The following RIN2 variants were observed in gnomAD, a reference collection of about 807,000 sequenced individuals.
The protein encoded by RIN2 is RAB5 interacting protein 2.
Under a neutral mutation model 78.0 loss-of-function variants are expected in RIN2, and 36 were observed. The observed-to-expected ratio is 0.46, with a 90% CI of 0.35 to 0.61. The LOEUF (loss-of-function observed/expected upper bound fraction) is 0.61, where lower values mean the gene tolerates loss of function less well. Ranked by LOEUF, RIN2 falls within the 20% of genes least tolerant of loss-of-function variation. The pLI is 0.00. For missense variants in RIN2, 1,087 were observed against 1,159.7 expected, an observed-to-expected ratio of 0.94 and a Z score of 0.91; for synonymous variants, 466 against 466.8, an observed-to-expected ratio of 1.00 and a Z score of 0.02.
At chr20:19,922,828 C>T (rs116770831) in intron 3 of RIN2, among the ~76,000 whole-genome samples, 1 of 152,142 alleles carries the variant, frequency 6.6e-6, no homozygotes, top group Non-Finnish European at 1.5e-5. Context: ...GGACCCCACC[C>T]CATACTGCAG....
At chr20:19,780,403 A>G (rs1019506130) in intron 1 of RIN2, among the ~76,000 whole-genome samples, 6 of 152,158 alleles carry the variant, frequency 3.9e-5, no homozygotes, top group African/African-American at 1.4e-4. Context: ...CTCAGATGTC[A>G]CATGCCCTGC....
At chr20:19,995,372 A>T (rs533715912) in intron 11 of RIN2, among the ~76,000 whole-genome samples, 1 of 152,072 alleles carries the variant, frequency 6.6e-6, no homozygotes, top group East Asian at 1.9e-4. Flanking sequence ...CACAGTAGAG[A>T]TTCAATGAGT....
intron 3 of RIN2, among the ~76,000 whole-genome samples, chr20:19,917,470 T>C (rs2039733147): frequency 6.6e-6 from 1 of 152,224 alleles, no homozygotes; most frequent in Non-Finnish European, 1.5e-5. Context: ...ATTTTTACTG[T>C]GAAATTTAAA....
chr20:19,914,220 T>C (rs1379965500), intron 3 of RIN2, among the ~76,000 whole-genome samples: 1 of 152,214 alleles, frequency 6.6e-6, no homozygotes, highest in Non-Finnish European at 1.5e-5. Flanking sequence ...TTATTGTCTG[T>C]CTCATTTTTT....
At chr20:19,929,872 C>T (rs2040372095) in intron 3 of RIN2, among the ~76,000 whole-genome samples, 1 of 152,194 alleles carries the variant, frequency 6.6e-6, no homozygotes, top group Non-Finnish European at 1.5e-5. Flanking sequence ...CACCCAAAAT[C>T]CCTTCAGTGG....
At chr20:19,987,647 A>C (rs2042662472) in intron 9 of RIN2, among the ~76,000 whole-genome samples, 1 of 152,240 alleles carries the variant, frequency 6.6e-6, no homozygotes, top group Non-Finnish European at 1.5e-5. Flanking sequence ...TGAGCACTCA[A>C]TATTAATTTC....
At chr20:19,851,963 A>G (rs1156244098) in intron 2 of RIN2, among the ~76,000 whole-genome samples, 2 of 152,130 alleles carry the variant, frequency 1.3e-5, no homozygotes, top group African/African-American at 4.8e-5. Flanking sequence ...TCTGGGCTCA[A>G]CTAGGCTTGG....
At chr20:19,969,958 C>T (rs1206500881) in intron 7 of RIN2, among the ~76,000 whole-genome samples, 1 of 152,212 alleles carries the variant, frequency 6.6e-6, no homozygotes, top group Non-Finnish European at 1.5e-5. Context: ...TTTAAGTCTG[C>T]CTTTGCCATT....
intron 7 of RIN2, among the ~76,000 whole-genome samples, chr20:19,967,226 A>G (rs959292979): frequency 6.6e-6 from 1 of 152,236 alleles, no homozygotes; most frequent in African/African-American, 2.4e-5. Flanking sequence ...CTTATAAACT[A>G]TAACACATGA....
At chr20:19,833,313 A>G (rs1258576328) in intron 2 of RIN2, among the ~76,000 whole-genome samples, 1 of 152,108 alleles carries the variant, frequency 6.6e-6, no homozygotes, top group African/African-American at 2.4e-5. Context: ...TTTAAGTTCC[A>G]GGATGCACGT....
At position 20,002,229 on chromosome 20, in the gene RIN2, AAC is replaced by A. The variant is rs771650583; in HGVS notation, c.*1297_*1298del. The A allele has an allele frequency of 2.6e-5, 4 of 152,380 alleles. No individual in the cohort carries two copies. Among genetic ancestry groups the A allele is most frequent in the Admixed American group, 6.5e-5 (1 of 15,280 alleles). 9.4% of individuals were successfully genotyped at this position (152,380 alleles called of 1,614,324 possible). A position where few individuals can be genotyped will look rare whatever the true frequency, so the allele number is the denominator to read the frequency against. On this transcript the variant is annotated 3_prime_UTR_variant, in exon 13 of 13. Coordinates refer to ENST00000255006, the MANE Select transcript of RIN2 (RefSeq NM_018993.4). Reference sequence around the variant, plus strand: ...AACTATGAGGGTCTTGTATCCACGTAACACAGGTAGTTACAAAAACATGTTAT... The same window carrying A: ...AACTATGAGGGTCTTGTATCCACGTAACAGGTAGTTACAAAAACATGTTAT...
At chr20:19,870,741 G>A (rs1338979810) in intron 2 of RIN2, among the ~76,000 whole-genome samples, 1 of 152,198 alleles carries the variant, frequency 6.6e-6, no homozygotes, top group Non-Finnish European at 1.5e-5. Context: ...GTTCTATGAT[G>A]GGATGTCCCT....
upstream of RIN2, chr20:19,757,738 G>GT (rs2033428958): frequency 6.6e-6 from 1 of 152,364 alleles, no homozygotes; most frequent in East Asian, 1.9e-4. Context: ...TGGGAAAGGG[G>GT]TGCGTGCGCG....
chr20:19,975,707 T>C lies in RIN2; in HGVS notation c.1682T>C (p.Met561Thr). Reference sequence around the variant, plus strand: ...ATGCTGCAGACCATCCGGCAGTTCATGACCCAGGTCAAGAACTATTTGTCT... The same window carrying C: ...ATGCTGCAGACCATCCGGCAGTTCACGACCCAGGTCAAGAACTATTTGTCT... ...TDMLQTIRQF[M>T]TQVKNYLSQS... Residue 561 changes from methionine (M) to threonine (T), a missense_variant, in exon 9 of 13, where the codon ATG becomes ACG. Around this residue, in one of 8 missense-constraint regions of RIN2, gnomAD observed 39 missense variants for 34.9 expected, o/e 1.12. Transcript: ENST00000255006. This position sits in a 1 kb window ranked among gnomAD's most constrained non-coding sequence, Gnocchi z 4.9. 6.2e-7 allele frequency: 1 copy of C among 1,613,626 alleles called. No homozygotes were observed. Among genetic ancestry groups the C allele is most frequent in the Non-Finnish European group, 8.5e-7 (1 of 1,179,890 alleles).
intron 4 of RIN2, among the ~76,000 whole-genome samples, chr20:19,948,046 C>A (rs13039938): frequency 6.6e-6 from 1 of 152,140 alleles, no homozygotes; most frequent in Non-Finnish European, 1.5e-5. Context: ...AACTGCTGAC[C>A]CAGTCATCCC....
chr20:19,819,841 T>C (rs1446231446), intron 2 of RIN2, among the ~76,000 whole-genome samples: 5 of 152,214 alleles, frequency 3.3e-5, no homozygotes, highest in East Asian at 1.9e-4. Flanking sequence ...GCTGAAAATA[T>C]ACTTTTATTT....
intron 1 of RIN2, among the ~76,000 whole-genome samples, chr20:19,761,760 C>T (rs1179197679): frequency 6.6e-6 from 1 of 152,192 alleles, no homozygotes; most frequent in East Asian, 1.9e-4. Context: ...AGCTTCCATG[C>T]ATCCGATTAA....
chr20:19,826,760 G>A (rs764610598), intron 2 of RIN2, among the ~76,000 whole-genome samples: 3 of 152,104 alleles, frequency 2.0e-5, no homozygotes, highest in Non-Finnish European at 4.4e-5. Context: ...GCCTACTCCT[G>A]TTTGGTGGCA....
chr20:19,797,850 C>T (rs1176535087), intron 1 of RIN2, among the ~76,000 whole-genome samples: 1 of 148,876 alleles, frequency 6.7e-6, no homozygotes, highest in South Asian at 2.1e-4. Context: ...ATGGATTATT[C>T]TACTTAATCT....
Sources: gnomAD v4.1 joint callset for allele counts (sites outside exome capture counted in the v4.1 genomes callset) on GRCh38, gnomAD v4.1.1 for gene constraint, gnomAD v4.1.1 regional missense constraint, Gnocchi (gnomAD v3.1) non-coding constraint, MANE v1.5 for transcripts, NCBI Gene and HGNC (gene_info 2026-07-23, HGNC 2026-07-21) for gene names.